The following KCTD14 variants were observed in gnomAD, a reference collection of about 807,000 sequenced individuals.
KCTD14 encodes the protein potassium channel tetramerization domain containing 14.
KCTD14 carries 7 observed loss-of-function variants against 5.9 expected under a neutral mutation model. The observed-to-expected ratio is 1.19, with a 90% CI of 0.68 to 2.23. The LOEUF (loss-of-function observed/expected upper bound fraction) is 2.23. KCTD14 is among the 30% of genes most tolerant of loss of function. The probability of loss-of-function intolerance (pLI) is 0.00; values close to 1 mark genes in which losing one functional copy is unlikely to be tolerated. For missense variants in KCTD14, 342 were observed against 332.2 expected, an observed-to-expected ratio of 1.03 and a Z score of -0.23; for synonymous variants, 140 against 133.1, an observed-to-expected ratio of 1.05 and a Z score of -0.36.
At position 78,029,359 on chromosome 11, in the gene KCTD14, G is replaced by A. The variant is rs61900197; in HGVS notation, c.-1+9305C>T. On this transcript the variant is annotated intron_variant, in intron 2 of 2. Transcript: ENST00000533144. Reference sequence around the variant, plus strand: ...GCTCCCTTGGTCTTATTTCACCAAAGGAAGAAACCTCCCGGTTATGGGCAC... The same window carrying A: ...GCTCCCTTGGTCTTATTTCACCAAAAGAAGAAACCTCCCGGTTATGGGCAC... 9.2e-3 allele frequency among the ~76,000 whole-genome samples: 1,400 copies of A among 151,902 alleles called. 22 individuals carry two copies. Among genetic ancestry groups the A allele is most frequent in the African/African-American group, 0.032 (1,321 of 41,392 alleles).
At chr11:78,038,594 A>G in intron 2 of KCTD14, 9 of 1,516,054 alleles carry the variant, frequency 5.9e-6, no homozygotes, top group Non-Finnish European at 8.0e-6. Context: ...GGTTACCCCA[A>G]GTGAACAGCT....
intron 1 of KCTD14, among the ~76,000 whole-genome samples, chr11:78,019,427 C>A (rs956158558): frequency 2.0e-5 from 3 of 151,898 alleles, no homozygotes; most frequent in Non-Finnish European, 4.4e-5. Context: ...AGTCATCCTC[C>A]TGCCTCAGCC....
intron 2 of KCTD14, among the ~76,000 whole-genome samples, chr11:78,028,654 T>G (rs1857535290): frequency 6.7e-6 from 1 of 150,024 alleles, no homozygotes; most frequent in African/African-American, 2.5e-5. Context: ...TATATTGTTA[T>G]GTGGAGCCAG....
intron 1 of KCTD14, among the ~76,000 whole-genome samples, chr11:78,018,510 C>A (rs1591174717): frequency 6.6e-6 from 1 of 151,958 alleles, no homozygotes. Flanking sequence ...AGTTCGAAAC[C>A]AGCCTGGCCA....
chr11:78,022,556 ACT>A (rs1857334334), intron 1 of KCTD14, among the ~76,000 whole-genome samples: 1 of 151,910 alleles, frequency 6.6e-6, no homozygotes, highest in African/African-American at 2.4e-5. Context: ...CTTCAGGATG[ACT>A]CTCAGTGCAG....
At chr11:78,038,415 A>C (rs1458104243) in intron 2 of KCTD14, among the ~76,000 whole-genome samples, 1 of 152,148 alleles carries the variant, frequency 6.6e-6, no homozygotes, top group Admixed American at 6.5e-5. Context: ...CCACGTGCAA[A>C]CAATTATTGT....
intron 1 of KCTD14, among the ~76,000 whole-genome samples, chr11:78,045,566 A>G (rs1409255389): frequency 6.6e-6 from 1 of 152,202 alleles, no homozygotes; most frequent in Non-Finnish European, 1.5e-5. Context: ...AAGGGCTGCT[A>G]TCATTTAAAC....
intron 2 of KCTD14, among the ~76,000 whole-genome samples, chr11:78,031,725 C>T (rs78944997): frequency 0.071 from 10,755 of 152,210 alleles, 1,223 homozygotes; most frequent in African/African-American, 0.25. Context: ...ACATATTTGC[C>T]TACTGTGTGT....
intron 1 of KCTD14, among the ~76,000 whole-genome samples, chr11:78,044,126 C>T (rs1387380735): frequency 6.6e-6 from 1 of 152,180 alleles, no homozygotes; most frequent in African/African-American, 2.4e-5. Flanking sequence ...AACGTGCTCC[C>T]TCAGCCTGTT....
upstream of KCTD14, among the ~76,000 whole-genome samples, chr11:78,026,368 G>A (rs150795544): frequency 5.3e-4 from 81 of 152,042 alleles, no homozygotes; most frequent in African/African-American, 1.9e-3. Context: ...ACTTGAACCC[G>A]GGAGGCAGAG....
upstream of KCTD14, chr11:78,023,375 A>G: frequency 2.2e-5 from 19 of 856,824 alleles, no homozygotes; most frequent in Non-Finnish European, 3.5e-5. Context: ...GTGCAGAAAG[A>G]AATGGACAGT....
In KCTD14 at chr11:78,040,200, C is replaced by T. The variant is rs568213081; in HGVS notation, c.-95-1442G>A. On this transcript the variant is annotated intron_variant, in intron 1 of 2. Coordinates refer to the KCTD14 transcript ENST00000533144. ...CTGAGAACCAAGCCAAGGCTGCCCC[C>T]GTTTCCCGTGTCATGTCTTCCTGGA... Among the ~76,000 whole-genome samples, 14 of 152,324 alleles carry T rather than the reference C, an allele frequency of 9.2e-5. No individual in the cohort carries two copies. The South Asian group carries it at 2.7e-3, about 29-fold the overall frequency.
chr11:78,024,757 C>T (rs1036519698), upstream of KCTD14, among the ~76,000 whole-genome samples: 1 of 151,662 alleles, frequency 6.6e-6, no homozygotes, highest in Non-Finnish European at 1.5e-5. Context: ...ACCAGCCTGA[C>T]TAACATGGCG....
At chr11:78,039,550 A>C (rs993985052) in intron 1 of KCTD14, among the ~76,000 whole-genome samples, 9 of 151,682 alleles carry the variant, frequency 5.9e-5, no homozygotes, top group Admixed American at 3.9e-4. Flanking sequence ...AAAAAAGAAA[A>C]GATTTATTTA....
At chr11:78,023,393 T>C, upstream of KCTD14, 2 of 749,634 alleles carry the variant, frequency 2.7e-6, no homozygotes, top group South Asian at 3.6e-5. Flanking sequence ...AGTCTGTCTA[T>C]TTGGGGCTTC....
chr11:78,021,947 C>G (rs1857321995), intron 1 of KCTD14, among the ~76,000 whole-genome samples: 1 of 152,204 alleles, frequency 6.6e-6, no homozygotes, highest in Non-Finnish European at 1.5e-5. Flanking sequence ...GAAGCTCACT[C>G]ACTTGGCCAT....
At chr11:78,044,374 C>T (rs1858075085) in intron 1 of KCTD14, among the ~76,000 whole-genome samples, 1 of 152,072 alleles carries the variant, frequency 6.6e-6, no homozygotes, top group African/African-American at 2.4e-5. Flanking sequence ...CTGAAAAGGA[C>T]CTGGTGGAAG....
chr11:78,038,561 G>A, intron 2 of KCTD14: 1 of 1,367,774 alleles, frequency 7.3e-7, no homozygotes, highest in Non-Finnish European at 1.0e-6. Context: ...TGGCTCCCCA[G>A]CCCAAGTGCG....
At position 78,016,753 on chromosome 11, in the gene KCTD14, G is replaced by A. The variant is rs746442547; in HGVS notation, c.608C>T (p.Pro203Leu). 5 of 1,613,980 alleles carry A rather than the reference G, an allele frequency of 3.1e-6. No individual in the cohort carries two copies. The highest frequency in any genetic ancestry group is 3.3e-5 in the Admixed American group (2 of 59,990). The change falls in exon 2 of 2, where the codon CCC becomes CTC. Residue 203 changes from proline to leucine, a missense_variant. Transcript: ENST00000353172. ...GCTGTTGTCTAGGACCGCCTTCCAG[G>A]GCCCAAACTTGACAACAGACTTGAA... The part of the protein sequence containing the change: ...KMFKSVVKFG[P>L]WKAVLDNSDL...
Sources: gnomAD v4.1 joint callset for allele counts (sites outside exome capture counted in the v4.1 genomes callset) on GRCh38, gnomAD v4.1.1 for gene constraint, MANE v1.5 for transcripts, NCBI Gene and HGNC (gene_info 2026-07-23, HGNC 2026-07-21) for gene names.